The following HS3ST5 variants were observed in gnomAD, a reference collection of about 807,000 sequenced individuals.
The protein encoded by HS3ST5 is heparan sulfate-glucosamine 3-sulfotransferase 5.
Under a neutral mutation model 25.4 loss-of-function variants are expected in HS3ST5, and 10 were observed. The ratio of observed to expected loss-of-function variants is 0.39; its 90% CI spans 0.24 to 0.67. HS3ST5 has a LOEUF of 0.67. Among genes scored for constraint, HS3ST5 ranks in the 30% least tolerant of loss-of-function variants. The pLI, the probability that HS3ST5 is intolerant of heterozygous loss-of-function variation, is 0.44. For synonymous variants in HS3ST5, 170 were observed against 162.4 expected (o/e 1.05, Z -0.36); for missense variants, 324 against 420.7 (o/e 0.77, Z 2.01).
At chr6:114,221,501 C>A (rs1197838055) in intron 2 of HS3ST5, among the ~76,000 whole-genome samples, 1 of 151,580 alleles carries the variant, frequency 6.6e-6, no homozygotes, top group East Asian at 1.9e-4. Flanking sequence ...ACTAATTAGG[C>A]TTTGCTTAAC....
intron 3 of HS3ST5, 133 bp downstream of exon 3, chr6:114,168,218 C>T (rs1445975277): frequency 6.6e-6 from 1 of 152,236 alleles, no homozygotes; most frequent in Non-Finnish European, 1.5e-5. Flanking sequence ...AGGAGAAAGA[C>T]CTCCTGCTGG....
At chr6:114,243,620 G>A (rs1303796947) in intron 1 of HS3ST5, among the ~76,000 whole-genome samples, 3 of 152,202 alleles carry the variant, frequency 2.0e-5, no homozygotes, top group African/African-American at 7.2e-5. Flanking sequence ...CCTAGATTTT[G>A]TTTTTGTTGT....
At chr6:114,099,560 G>T (rs944707112) in intron 3 of HS3ST5, among the ~76,000 whole-genome samples, 3 of 152,104 alleles carry the variant, frequency 2.0e-5, no homozygotes, top group African/African-American at 7.2e-5. Flanking sequence ...TTTGCAAAGT[G>T]AAGTTTTCAT....
At chr6:114,156,588 T>TG (rs909821317) in intron 3 of HS3ST5, among the ~76,000 whole-genome samples, 5 of 152,240 alleles carry the variant, frequency 3.3e-5, no homozygotes, top group Admixed American at 3.3e-4. Context: ...ATTTGTACCC[T>TG]GGTTTGCTCA....
intron 1 of HS3ST5, among the ~76,000 whole-genome samples, chr6:114,332,498 G>A (rs1317680699): frequency 1.3e-5 from 2 of 152,108 alleles, no homozygotes; most frequent in African/African-American, 2.4e-5. Context: ...TAAGTTCAGC[G>A]AGTAAGAAAG....
chr6:114,294,469 G>A (rs933366475), intron 1 of HS3ST5, among the ~76,000 whole-genome samples: 10 of 132,776 alleles, frequency 7.5e-5, no homozygotes, highest in South Asian at 7.3e-4. Context: ...TTTTTGAGAC[G>A]GAGTCTCACT....
chr6:114,140,372 GT>G (rs547127187), intron 3 of HS3ST5, among the ~76,000 whole-genome samples: 78 of 152,266 alleles, frequency 5.1e-4, no homozygotes, highest in Non-Finnish European at 8.8e-4. Context: ...TTTAAAAAGT[GT>G]TAAAAAGTTT....
chr6:114,110,968 C>A (rs1424119854), intron 3 of HS3ST5, among the ~76,000 whole-genome samples: 1 of 152,096 alleles, frequency 6.6e-6, no homozygotes, highest in African/African-American at 2.4e-5. Flanking sequence ...TTAATTAATT[C>A]TTGACCTTGG....
chr6:114,177,957 A>G (rs1214861146), intron 2 of HS3ST5, among the ~76,000 whole-genome samples: 1 of 152,214 alleles, frequency 6.6e-6, no homozygotes, highest in African/African-American at 2.4e-5. Flanking sequence ...TTTAAACATG[A>G]AAATTTTTTG....
chr6:114,238,782 C>T (rs575907836), intron 1 of HS3ST5, among the ~76,000 whole-genome samples: 4 of 152,174 alleles, frequency 2.6e-5, no homozygotes, highest in Admixed American at 6.5e-5. Flanking sequence ...AGAGAGAGGA[C>T]CAAGTTTGTT....
intron 3 of HS3ST5, among the ~76,000 whole-genome samples, chr6:114,158,821 T>C (rs867829771): frequency 6.6e-6 from 1 of 152,350 alleles, no homozygotes; most frequent in South Asian, 2.1e-4. Context: ...ATGTTCTGTA[T>C]TACAGGGAAG....
chr6:114,275,610 A>G (rs78368380), intron 1 of HS3ST5, among the ~76,000 whole-genome samples: 1,707 of 152,096 alleles, frequency 0.011, 30 homozygotes, highest in African/African-American at 0.039. Flanking sequence ...AAGGCCAGAT[A>G]GCAAATGTTT....
At chr6:114,286,062 G>A (rs745956506) in intron 1 of HS3ST5, among the ~76,000 whole-genome samples, 5 of 151,468 alleles carry the variant, frequency 3.3e-5, no homozygotes, top group Non-Finnish European at 5.9e-5. Flanking sequence ...TCTAGAGGTT[G>A]GATAACAAGT....
chr6:114,198,152 C>A (rs771086024), intron 2 of HS3ST5, among the ~76,000 whole-genome samples: 1 of 151,850 alleles, frequency 6.6e-6, no homozygotes, highest in Non-Finnish European at 1.5e-5. Context: ...AGTTGGAAGC[C>A]TTACCAACAG....
intron 1 of HS3ST5, among the ~76,000 whole-genome samples, chr6:114,241,580 G>GTAA (rs764918271): frequency 4.6e-5 from 7 of 152,258 alleles, no homozygotes; most frequent in Admixed American, 1.3e-4. Context: ...TATCCACTTG[G>GTAA]TAATAAGATC....
intron 3 of HS3ST5, among the ~76,000 whole-genome samples, chr6:114,102,027 C>A (rs1775761776): frequency 6.6e-6 from 1 of 152,062 alleles, no homozygotes; most frequent in African/African-American, 2.4e-5. Context: ...AAGATGAGAA[C>A]AAGAGACACT....
intron 4 of HS3ST5, among the ~76,000 whole-genome samples, chr6:114,062,091 G>A (rs1339474119): frequency 6.6e-6 from 1 of 152,178 alleles, no homozygotes; most frequent in Non-Finnish European, 1.5e-5. Context: ...ACTTCTGCAA[G>A]TCCAATACCT....
chr6:114,100,758 T>A (rs1425562492), intron 3 of HS3ST5, among the ~76,000 whole-genome samples: 3 of 152,010 alleles, frequency 2.0e-5, no homozygotes, highest in Non-Finnish European at 2.9e-5. Flanking sequence ...GGGTCAAGAG[T>A]CAATGGAAAG....
intron 1 of HS3ST5, among the ~76,000 whole-genome samples, chr6:114,333,576 A>G (rs932190485): frequency 2.6e-5 from 4 of 152,148 alleles, no homozygotes; most frequent in Non-Finnish European, 5.9e-5. Context: ...AAGATAAGAT[A>G]AACAACCGAT....
Sources: gnomAD v4.1 joint callset for allele counts (sites outside exome capture counted in the v4.1 genomes callset) on GRCh38, gnomAD v4.1.1 for gene constraint, MANE v1.5 for transcripts, NCBI Gene and HGNC (gene_info 2026-07-23, HGNC 2026-07-21) for gene names.